SLC35F3: variants seen among roughly 807,000 people sequenced by gnomAD.
SLC35F3 encodes the protein putative thiamine transporter SLC35F3.
Under a neutral mutation model 49.9 loss-of-function variants are expected in SLC35F3, and 25 were observed. The ratio of observed to expected loss-of-function variants is 0.50; its 90% CI spans 0.37 to 0.70. SLC35F3 has a LOEUF of 0.70. Ranked by LOEUF, SLC35F3 falls within the 30% of genes least tolerant of loss-of-function variation. The pLI, the probability that SLC35F3 is intolerant of heterozygous loss-of-function variation, is 0.00. For synonymous variants in SLC35F3, 275 were observed against 265.4 expected, an observed-to-expected ratio of 1.04 and a Z score of -0.35; for missense variants, 525 against 639.8, an observed-to-expected ratio of 0.82 and a Z score of 1.94.
rs75660932 is a variant in SLC35F3, at chr1:234,030,701, G to A, written c.283+124943G>A. Among the ~76,000 whole-genome samples, 1,222 of 152,252 alleles carry A rather than the reference G, an allele frequency of 8.0e-3. 8 individuals are homozygous for A. Among genetic ancestry groups the A allele is most frequent in the Middle Eastern group, 0.024 (7 of 294 alleles). On this transcript the variant is annotated intron_variant, in intron 2 of 7. Transcript: ENST00000366618. ...ATTACTTTTTGACCTACAAAAACAA[G>A]TGTTTTTGTATATCATCTAATATAT...
At chr1:234,189,959 A>G (rs1340421452) in intron 2 of SLC35F3, among the ~76,000 whole-genome samples, 1 of 152,240 alleles carries the variant, frequency 6.6e-6, no homozygotes, top group South Asian at 2.1e-4. Context: ...TTTTGTACCC[A>G]GTGAAACTAA....
At chr1:234,093,641 A>C (rs1382797082) in intron 2 of SLC35F3, among the ~76,000 whole-genome samples, 1 of 152,192 alleles carries the variant, frequency 6.6e-6, no homozygotes, top group Non-Finnish European at 1.5e-5. Context: ...CCCTTGGAGG[A>C]AATTGCAAGA....
intron 2 of SLC35F3, among the ~76,000 whole-genome samples, chr1:233,958,211 T>A (rs910126843): frequency 6.6e-6 from 1 of 152,226 alleles, no homozygotes; most frequent in Non-Finnish European, 1.5e-5. Flanking sequence ...TGATATGAAC[T>A]ACCTGCCCCT....
At chr1:234,239,939 G>T (rs1243566981) in intron 3 of SLC35F3, among the ~76,000 whole-genome samples, 2 of 152,090 alleles carry the variant, frequency 1.3e-5, no homozygotes, top group Non-Finnish European at 2.9e-5. Flanking sequence ...CCCTCCTGTG[G>T]GCTCCCACAG....
At chr1:234,043,897 CATG>C (rs1196348200) in intron 2 of SLC35F3, among the ~76,000 whole-genome samples, 1 of 152,152 alleles carries the variant, frequency 6.6e-6, no homozygotes. Flanking sequence ...ATAATTATAT[CATG>C]ATATCATATT....
At chr1:233,921,086 A>C (rs1459920821) in intron 2 of SLC35F3, among the ~76,000 whole-genome samples, 3 of 152,272 alleles carry the variant, frequency 2.0e-5, no homozygotes, top group Non-Finnish European at 4.4e-5. Flanking sequence ...GCAATATATC[A>C]CTATTAGAAG....
intron 2 of SLC35F3, among the ~76,000 whole-genome samples, chr1:234,049,626 TTTTG>T (rs551405649): frequency 4.9e-4 from 75 of 152,192 alleles, no homozygotes; most frequent in East Asian, 1.4e-3. Context: ...ATTTTGTATT[TTTTG>T]TTTGTTTGTT....
At chr1:234,097,472 G>C (rs12747891) in intron 2 of SLC35F3, among the ~76,000 whole-genome samples, 21,659 of 152,176 alleles carry the variant, frequency 0.14, 3,227 homozygotes, top group East Asian at 0.82. Context: ...GGGAGCACCT[G>C]GGCTCAGGGA....
At chr1:234,066,465 G>A (rs1664619038) in intron 2 of SLC35F3, among the ~76,000 whole-genome samples, 1 of 152,114 alleles carries the variant, frequency 6.6e-6, no homozygotes, top group Non-Finnish European at 1.5e-5. Context: ...ACTCCAGGCT[G>A]CAGCGGTGAG....
At chr1:234,255,714 G>A (rs1297486684) in intron 3 of SLC35F3, among the ~76,000 whole-genome samples, 1 of 152,108 alleles carries the variant, frequency 6.6e-6, no homozygotes, top group South Asian at 2.1e-4. Context: ...TCTGCAAAAG[G>A]CAAAATTATA....
rs565114340 is a variant in SLC35F3 at position 234,151,873 on chromosome 1, A to G, written c.284-79544A>G. Among the ~76,000 whole-genome samples, 45 of 152,278 alleles carry G rather than the reference A, an allele frequency of 3.0e-4. 1 individual carries two copies. The South Asian group carries it at 8.3e-3, about 28-fold the overall frequency. On this transcript the variant is annotated intron_variant, in intron 2 of 7. Coordinates refer to ENST00000366618, the MANE Select transcript of SLC35F3 (RefSeq NM_173508.4). ...AAACTATAATTCAAGAAAACTTTCCAGAAATAAAGAAAAATTGAAATTGCA... is the reference window on the plus strand; with the variant it reads ...AAACTATAATTCAAGAAAACTTTCCGGAAATAAAGAAAAATTGAAATTGCA...
rs1005732087 is a variant in SLC35F3 at position 233,964,572 on chromosome 1, G to A, written c.283+58814G>A. 3.9e-5 allele frequency among the ~76,000 whole-genome samples: 6 copies of A among 152,232 alleles called. No individual in the cohort carries two copies. In the East Asian group the frequency reaches 9.6e-4, roughly 24 times the overall value. On this transcript the variant is annotated intron_variant, in intron 2 of 7. Transcript: ENST00000366618. ...ATCCAGTACATGCTGTAAAGGAGGC[G>A]AATCAGGGTGTTAAGACTGTTCATG...
intron 2 of SLC35F3, among the ~76,000 whole-genome samples, chr1:233,961,829 T>A (rs1352089174): frequency 1.3e-5 from 2 of 152,080 alleles, no homozygotes; most frequent in African/African-American, 2.4e-5. Context: ...TAATGGAAAA[T>A]AGGTGCATTT....
chr1:233,922,766 T>C (rs1308802646), intron 2 of SLC35F3, among the ~76,000 whole-genome samples: 1 of 152,188 alleles, frequency 6.6e-6, no homozygotes, highest in East Asian at 1.9e-4. Context: ...TCTTCTAGAG[T>C]TTTTATGGTT....
At chr1:234,309,527 G>A (rs1171942492) in intron 4 of SLC35F3, among the ~76,000 whole-genome samples, 2 of 152,206 alleles carry the variant, frequency 1.3e-5, no homozygotes, top group African/African-American at 4.8e-5. Flanking sequence ...TACTAGACAA[G>A]CATTCATTAA....
chr1:233,913,127 C>T (rs1661909666), intron 2 of SLC35F3, among the ~76,000 whole-genome samples: 1 of 152,152 alleles, frequency 6.6e-6, no homozygotes, highest in African/African-American at 2.4e-5. Context: ...TGAGTTCATT[C>T]TTCAGCTGGA....
chr1:233,905,515 G>A lies in SLC35F3; in HGVS notation c.54-14G>A. ...CCCTGCCCACCCACCTGCCCGTGGC[G>A]CCTGCGACCGCAGTGGCATGAGGAG... On this transcript the variant is annotated splice_polypyrimidine_tract_variant and intron_variant, in intron 1 of 7. Transcript: ENST00000366618. 2 of 1,601,208 alleles carry A rather than the reference G, an allele frequency of 1.2e-6. No individual in the cohort carries two copies. The highest frequency in any genetic ancestry group is 1.7e-6 in the Non-Finnish European group (2 of 1,172,486).
chr1:234,242,048 A>G (rs534234235), intron 3 of SLC35F3, among the ~76,000 whole-genome samples: 7 of 152,364 alleles, frequency 4.6e-5, no homozygotes, highest in South Asian at 4.1e-4. Context: ...GTGATATCAC[A>G]TTCCACATAA....
intron 2 of SLC35F3, among the ~76,000 whole-genome samples, chr1:234,109,842 A>G (rs1284446261): frequency 6.6e-6 from 1 of 152,130 alleles, no homozygotes; most frequent in Non-Finnish European, 1.5e-5. Context: ...GGCCCACAGT[A>G]ATAGGGATAC....
Sources: gnomAD v4.1 joint callset for allele counts (sites outside exome capture counted in the v4.1 genomes callset) on GRCh38, gnomAD v4.1.1 for gene constraint, MANE v1.5 for transcripts, NCBI Gene and HGNC (gene_info 2026-07-23, HGNC 2026-07-21) for gene names.